RNF144A: variants seen among roughly 807,000 people sequenced by gnomAD.
RNF144A encodes the protein E3 ubiquitin-protein ligase RNF144A.
Under a neutral mutation model 38.7 loss-of-function variants are expected in RNF144A, and 11 were observed. The ratio of observed to expected loss-of-function variants is 0.28; its 90% CI spans 0.18 to 0.47. The LOEUF is 0.47. Among genes scored for constraint, RNF144A ranks in the 20% least tolerant of loss-of-function variants. The probability of loss-of-function intolerance (pLI) is 0.99; values close to 1 mark genes in which losing one functional copy is unlikely to be tolerated. For synonymous variants in RNF144A, 149 were observed against 143.9 expected (o/e 1.04, Z -0.25); for missense variants, 316 against 377.2 (o/e 0.84, Z 1.34).
In RNF144A at chr2:7,042,501, A is replaced by G. The variant is rs1202749599; in HGVS notation, c.*2741A>G. ...AAGGGGCGAAGGCCCTTAGACAACC[A>G]TGGCTGCTGTACTGCCGCCCAGGGT... On this transcript the variant is annotated 3_prime_UTR_variant, in exon 9 of 9. Transcript: ENST00000320892. 1.0e-6 allele frequency: 1 copy of G among 985,524 alleles called. No individual in the cohort carries two copies. Among genetic ancestry groups the G allele is most frequent in the Non-Finnish European group, 1.2e-6 (1 of 829,966 alleles). 61.0% of individuals were successfully genotyped at this position (985,524 alleles called of 1,614,324 possible). A position where few individuals can be genotyped will look rare whatever the true frequency, so the allele number is the denominator to read the frequency against.
chr2:7,043,610 T>C lies in RNF144A; in HGVS notation c.*3850T>C. 4 of 985,758 alleles carry C rather than the reference T, an allele frequency of 4.1e-6. No individual in the cohort carries two copies. The South Asian group carries it at 1.4e-4, about 35-fold the overall frequency. 61.1% of individuals were successfully genotyped at this position (985,758 alleles called of 1,614,324 possible). On this transcript the variant is annotated 3_prime_UTR_variant, in exon 9 of 9. Transcript: ENST00000320892. The stretch of plus-strand genomic sequence containing the variant: ...ATGAAAATAAACAAAATGAAGGGAT[T>C]ATGACAGGTATTACCAAAAACACCA...
At chr2:7,000,421 GTCAA>G (rs1311321785) in intron 3 of RNF144A, among the ~76,000 whole-genome samples, 1 of 152,194 alleles carries the variant, frequency 6.6e-6, no homozygotes, top group Non-Finnish European at 1.5e-5. Flanking sequence ...TGTTCGTTTT[GTCAA>G]TCAGAGATGC....
intron 1 of RNF144A, among the ~76,000 whole-genome samples, chr2:6,927,106 G>A (rs1462723303): frequency 1.3e-5 from 2 of 152,154 alleles, no homozygotes; most frequent in East Asian, 1.9e-4. Context: ...TGCTCTTCAC[G>A]TCTCCTGTTT....
intron 6 of RNF144A, among the ~76,000 whole-genome samples, chr2:7,066,565 AAT>A (rs1420457227): frequency 6.6e-6 from 1 of 152,262 alleles, no homozygotes; most frequent in Non-Finnish European, 1.5e-5. Context: ...GTGCAGTAAG[AAT>A]ATGTTTTCCT....
intron 2 of RNF144A, among the ~76,000 whole-genome samples, chr2:6,975,973 G>C (rs909217504): frequency 6.6e-6 from 1 of 152,226 alleles, no homozygotes; most frequent in African/African-American, 2.4e-5. Flanking sequence ...TGGATAGAAG[G>C]CTTTTTCATC....
chr2:7,069,068 A>C (rs1447589277), downstream of RNF144A, among the ~76,000 whole-genome samples: 2 of 152,246 alleles, frequency 1.3e-5, no homozygotes, highest in Non-Finnish European at 2.9e-5. Context: ...GTAGCCCAGC[A>C]AGGAAGCCAA....
intron 1 of RNF144A, among the ~76,000 whole-genome samples, chr2:6,919,145 C>A (rs886410856): frequency 6.6e-6 from 1 of 152,078 alleles, no homozygotes; most frequent in Admixed American, 6.5e-5. Context: ...CAAAGGGAGT[C>A]CCCTTTGCAA....
chr2:6,973,144 C>T (rs1176464487), intron 2 of RNF144A, among the ~76,000 whole-genome samples: 1 of 152,106 alleles, frequency 6.6e-6, no homozygotes, highest in Non-Finnish European at 1.5e-5. Context: ...TCAGATGGTG[C>T]CTTAGTAACT....
downstream of RNF144A, among the ~76,000 whole-genome samples, chr2:7,046,095 G>A (rs1673297791): frequency 6.6e-6 from 1 of 152,238 alleles, no homozygotes; most frequent in Admixed American, 6.5e-5. Context: ...TTGATAGCAT[G>A]TGCTTATCTA....
chr2:7,036,924 A>T (rs1484871508), intron 8 of RNF144A, among the ~76,000 whole-genome samples: 1 of 152,176 alleles, frequency 6.6e-6, no homozygotes, highest in African/African-American at 2.4e-5. Context: ...TGTGCATGGG[A>T]ACTTAGAATG....
At chr2:7,060,431 G>C (rs1163646229) in intron 6 of RNF144A, among the ~76,000 whole-genome samples, 1 of 152,166 alleles carries the variant, frequency 6.6e-6, no homozygotes, top group Non-Finnish European at 1.5e-5. Context: ...GGCACACGAT[G>C]ACCTGCAGGG....
chr2:7,044,712 T>C (rs113535342), downstream of RNF144A, among the ~76,000 whole-genome samples: 536 of 152,310 alleles, frequency 3.5e-3, 2 homozygotes, highest in African/African-American at 0.013. Flanking sequence ...TGATTTTCAT[T>C]CACCTCACTC....
At chr2:7,074,131 T>TTAAA in the RNF144A span, among the ~76,000 whole-genome samples, 1 of 152,212 alleles carries the variant, frequency 6.6e-6, no homozygotes, top group Non-Finnish European at 1.5e-5. Flanking sequence ...ATGAAACACA[T>TTAAA]TAAATCACAA....
rs761636739 is a variant in RNF144A at position 6,962,088 on chromosome 2, G to A, written c.-12+20941G>A. 3.9e-5 allele frequency among the ~76,000 whole-genome samples: 6 copies of A among 152,194 alleles called. No homozygotes were observed. Among genetic ancestry groups the A allele is most frequent in the Admixed American group, 6.5e-5 (1 of 15,278 alleles). The stretch of plus-strand genomic sequence containing the variant: ...ACAGAGAGCGGTCCTGGAAAAATGC[G>A]TTGTGGGATCCACGGTGAAATGCAG... On this transcript the variant is annotated intron_variant, in intron 2 of 8. Transcript: ENST00000320892. This position sits in a 1 kb window ranked among gnomAD's most constrained non-coding sequence, Gnocchi z 4.1.
In RNF144A at chr2:6,925,363, G is replaced by A. The variant is rs947901971; in HGVS notation, c.-212+7741G>A. Among the ~76,000 whole-genome samples the A allele has an allele frequency of 2.0e-5, 3 of 152,122 alleles. No homozygotes were observed. In the East Asian group the frequency reaches 5.8e-4, roughly 29 times the overall value. On this transcript the variant is annotated intron_variant, in intron 1 of 8. Coordinates refer to ENST00000320892, the MANE Select transcript of RNF144A (RefSeq NM_014746.6). ...GGTGGCCGGCAGAGTGGTGGATAGGGCCAGGTGTATTAGGAAAAAGAAAAA... is the reference window on the plus strand; with the variant it reads ...GGTGGCCGGCAGAGTGGTGGATAGGACCAGGTGTATTAGGAAAAAGAAAAA...
rs561891440 is a variant in RNF144A at position 6,925,367 on chromosome 2, G to C, written c.-212+7745G>C. Among the ~76,000 whole-genome samples the C allele has an allele frequency of 8.5e-5, 13 of 152,208 alleles. No individual in the cohort carries two copies. The East Asian group carries it at 2.3e-3, about 27-fold the overall frequency. The stretch of plus-strand genomic sequence containing the variant: ...GCCGGCAGAGTGGTGGATAGGGCCA[G>C]GTGTATTAGGAAAAAGAAAAAGAAA... On this transcript the variant is annotated intron_variant, in intron 1 of 8. Coordinates refer to ENST00000320892, the MANE Select transcript of RNF144A (RefSeq NM_014746.6).
chr2:7,020,685 C>A lies in RNF144A; in HGVS notation c.509+5C>A. ...CTTCCTCCCCGGGGAGACCAGGTAC[C>A]CTTTGTACACAAGCTGCCACCAAAG... On this transcript the variant is annotated splice_donor_5th_base_variant and intron_variant, in intron 6 of 8. Coordinates refer to ENST00000320892, the MANE Select transcript of RNF144A (RefSeq NM_014746.6). 1 of 1,599,670 alleles carries A rather than the reference C, an allele frequency of 6.3e-7. No individual in the cohort carries two copies. Among genetic ancestry groups the A allele is most frequent in the Non-Finnish European group, 8.5e-7 (1 of 1,178,580 alleles).
intron 2 of RNF144A, among the ~76,000 whole-genome samples, chr2:6,988,156 A>G (rs1030522278): frequency 5.9e-5 from 9 of 152,260 alleles, no homozygotes; most frequent in African/African-American, 2.2e-4. Context: ...ATACAGATTT[A>G]GATGGACCGA....
intron 2 of RNF144A, among the ~76,000 whole-genome samples, chr2:6,974,730 C>T (rs1312748737): frequency 6.6e-6 from 1 of 152,090 alleles, no homozygotes; most frequent in Non-Finnish European, 1.5e-5. Flanking sequence ...AAGGGTGTTG[C>T]ATTTTTTGAC....
Sources: allele counts gnomAD v4.1 joint callset (sites outside exome capture counted in the v4.1 genomes callset), GRCh38; gene constraint gnomAD v4.1.1; non-coding constraint Gnocchi (gnomAD v3.1); transcripts MANE v1.5; gene names NCBI Gene and HGNC (gene_info 2026-07-23, HGNC 2026-07-21).